Variants in ASCC3 observed in about 807,000 individuals in gnomAD.
ASCC3 encodes the protein activating signal cointegrator 1 complex subunit 3.
ASCC3 carries 158 observed loss-of-function variants against 256.3 expected under a neutral mutation model. That is an observed-to-expected ratio of 0.62 (90% CI 0.54 to 0.70). The LOEUF (loss-of-function observed/expected upper bound fraction) is 0.70, where lower values mean the gene tolerates loss of function less well. Ranked by LOEUF, ASCC3 falls within the 30% of genes least tolerant of loss-of-function variation. The probability of loss-of-function intolerance (pLI) is 0.00; values close to 1 mark genes in which losing one functional copy is unlikely to be tolerated. For synonymous variants in ASCC3, 948 were observed against 883.4 expected (o/e 1.07, Z -1.30); for missense variants, 2,259 against 2,626.0 (o/e 0.86, Z 3.05).
In ASCC3 at chr6:100,868,198, G is replaced by GT. The variant is rs958959564; in HGVS notation, c.-41-161dup. On this transcript the variant is annotated intron_variant, in intron 1 of 41. Coordinates refer to ENST00000369162, the MANE Select transcript of ASCC3 (RefSeq NM_006828.4). ...TCCTGACATATTTTCTATCCATGAA[G>GT]TTTTTTTGTTTTTAAAAAGCATTAG... 7.9e-5 allele frequency among the ~76,000 whole-genome samples: 12 copies of GT among 152,252 alleles called. No homozygotes were observed. In the East Asian group the frequency reaches 1.9e-3, roughly 24 times the overall value.
At chr6:100,720,864 A>G (rs1779296666) in intron 11 of ASCC3, among the ~76,000 whole-genome samples, 1 of 147,990 alleles carries the variant, frequency 6.8e-6, no homozygotes, top group African/African-American at 2.4e-5. Context: ...ATATATTTAT[A>G]TAATAATATA....
intron 10 of ASCC3, among the ~76,000 whole-genome samples, chr6:100,745,799 A>G (rs1199357482): frequency 6.6e-6 from 1 of 152,128 alleles, no homozygotes; most frequent in Non-Finnish European, 1.5e-5. Context: ...ATTGAGCAGT[A>G]CTGCTCTATT....
chr6:100,536,238 A>T (rs180835307), intron 37 of ASCC3, among the ~76,000 whole-genome samples: 100 of 152,306 alleles, frequency 6.6e-4, no homozygotes, highest in African/African-American at 2.3e-3. Context: ...GTTATACCTT[A>T]CAGGTAGAAA....
chr6:100,579,931 A>G (rs1771114952), intron 36 of ASCC3, among the ~76,000 whole-genome samples: 1 of 152,130 alleles, frequency 6.6e-6, no homozygotes, highest in South Asian at 2.1e-4. Flanking sequence ...TGGCCATTTT[A>G]ACAATAGCGA....
intron 36 of ASCC3, among the ~76,000 whole-genome samples, chr6:100,575,582 G>T (rs1470536101): frequency 6.6e-6 from 1 of 151,958 alleles, no homozygotes; most frequent in Non-Finnish European, 1.5e-5. Flanking sequence ...TTTACATTTA[G>T]ACATGAAACT....
rs777995372 is a variant in ASCC3 at position 100,848,378 on chromosome 6, T to C, written c.571A>G (p.Thr191Ala). Residue 191 changes from threonine to alanine, a missense_variant, in exon 4 of 42, where the codon ACT (threonine) becomes GCT (alanine). Thr to Ala is a moderately conservative substitution (Grantham distance 58). Around this residue, in one of 2 missense-constraint regions of ASCC3, gnomAD observed 420 missense variants for 419.3 expected, o/e 1.00. Transcript: ENST00000369162. ...ELPINGETQK[T>A]ISLDYKKFLN... ...AACTTCTTATAATCTAGGCTTATAG[T>C]TTTCTGAGTTTCACCATTTATTGGC... 43 of 1,613,774 alleles carry C rather than the reference T, an allele frequency of 2.7e-5. 1 individual carries two copies. The South Asian group carries it at 4.5e-4, about 17-fold the overall frequency.
intron 34 of ASCC3, among the ~76,000 whole-genome samples, chr6:100,594,700 T>G (rs940505958): frequency 6.6e-6 from 1 of 152,020 alleles, no homozygotes; most frequent in South Asian, 2.1e-4. Context: ...CCAAAGGAAA[T>G]GAAATCAGTA....
At position 100,590,010 on chromosome 6, in the gene ASCC3, A is replaced by T. The variant is rs1432795608; in HGVS notation, c.5353T>A (p.Ser1785Thr). ...VSHDSVNKFL[S>T]HLIEKSLIEL... The stretch of plus-strand genomic sequence containing the variant: ...ATCAGGGACTTCTCAATCAGATGGG[A>T]CAGAAACTTGTTCACAGAATCATGG... Residue 1785 changes from serine (S) to threonine (T), a missense_variant, in exon 35 of 42, where the codon TCC becomes ACC. This residue lies in a region of ASCC3 where 1,839 missense variants were observed against 2,206.7 expected (regional missense o/e 0.83). Coordinates refer to ENST00000369162, the MANE Select transcript of ASCC3 (RefSeq NM_006828.4). The T allele has an allele frequency of 6.2e-7, 1 of 1,613,744 alleles. No individual in the cohort carries two copies. The highest frequency in any genetic ancestry group is 8.5e-7 in the Non-Finnish European group (1 of 1,179,750).
intron 32 of ASCC3, 45 bp from the exon 33 acceptor site, chr6:100,605,745 G>T: frequency 1.3e-6 from 2 of 1,588,326 alleles, no homozygotes. Flanking sequence ...GTGGCATATA[G>T]CACAAGGTAT....
chr6:100,855,419 T>C (rs1373909654), intron 3 of ASCC3, among the ~76,000 whole-genome samples: 1 of 152,238 alleles, frequency 6.6e-6, no homozygotes, highest in Non-Finnish European at 1.5e-5. Context: ...ACCCAGCCAG[T>C]ATCCATTCTG....
At chr6:100,869,347 A>C (rs982021085) in intron 1 of ASCC3, among the ~76,000 whole-genome samples, 1 of 152,210 alleles carries the variant, frequency 6.6e-6, no homozygotes, top group Admixed American at 6.5e-5. Context: ...CCTCTTGACT[A>C]CTGTATTCCT....
chr6:100,684,829 T>TG (rs1398261298), intron 13 of ASCC3, among the ~76,000 whole-genome samples: 1 of 136,342 alleles, frequency 7.3e-6, no homozygotes, highest in Non-Finnish European at 1.6e-5. Flanking sequence ...TTTTTTGAGA[T>TG]GGAGTCTCCC....
intron 3 of ASCC3, among the ~76,000 whole-genome samples, chr6:100,861,382 T>C (rs957784406): frequency 2.6e-5 from 4 of 152,132 alleles, no homozygotes; most frequent in Admixed American, 2.0e-4. Context: ...CTCATAATAT[T>C]ATACTCAAGT....
intron 2 of ASCC3, among the ~76,000 whole-genome samples, chr6:100,867,664 A>G (rs1221814527): frequency 6.6e-6 from 1 of 152,194 alleles, no homozygotes; most frequent in African/African-American, 2.4e-5. Flanking sequence ...CTGAACAAAA[A>G]AAAAATTAAC....
In ASCC3 at chr6:100,509,386, T is replaced by C. The variant is rs963995555; in HGVS notation, c.6609A>G (p.Ter2203=). 1.4e-5 allele frequency: 22 copies of C among 1,614,142 alleles called. No individual in the cohort carries two copies. The highest frequency in any genetic ancestry group is 1.7e-5 in the Non-Finnish European group (20 of 1,180,016). The stretch of plus-strand genomic sequence containing the variant: ...TTTCAAATGGATTGTTCAGGTCAAG[T>C]TACTTTAATGCCAGGTCAGTCAGGG... ...SDSLTDLALK[*] is the part of the protein sequence containing the mutation. The change falls in exon 42 of 42, where the codon TAA becomes TAG. Residue 2203 remains the stop codon, a stop_retained_variant. Coordinates refer to ENST00000369162, the MANE Select transcript of ASCC3 (RefSeq NM_006828.4).
At chr6:100,859,889 T>C (rs896167914) in intron 3 of ASCC3, among the ~76,000 whole-genome samples, 3 of 152,120 alleles carry the variant, frequency 2.0e-5, no homozygotes, top group African/African-American at 4.8e-5. Flanking sequence ...ATCCATACTA[T>C]AGTAAAATCA....
intron 1 of ASCC3, among the ~76,000 whole-genome samples, chr6:100,870,871 G>C (rs1773708249): frequency 6.6e-6 from 1 of 152,174 alleles, no homozygotes; most frequent in Non-Finnish European, 1.5e-5. Context: ...ACAGAGCAGA[G>C]ATTCTCAAAC....
chr6:100,586,662 C>T (rs1164590276), intron 36 of ASCC3, among the ~76,000 whole-genome samples: 3 of 152,156 alleles, frequency 2.0e-5, no homozygotes, highest in African/African-American at 4.8e-5. Flanking sequence ...GCAGAAATCA[C>T]CCGTCTTCTG....
intron 10 of ASCC3, among the ~76,000 whole-genome samples, chr6:100,726,540 T>A (rs1166074786): frequency 6.6e-6 from 1 of 151,992 alleles, no homozygotes; most frequent in Non-Finnish European, 1.5e-5. Context: ...TCTTGGAGCA[T>A]CATGTCAGCA....
Sources: gnomAD v4.1 joint callset for allele counts (sites outside exome capture counted in the v4.1 genomes callset) on GRCh38, gnomAD v4.1.1 for gene constraint, gnomAD v4.1.1 regional missense constraint, MANE v1.5 for transcripts, NCBI Gene and HGNC (gene_info 2026-07-23, HGNC 2026-07-21) for gene names.